DLG2: variants seen among roughly 807,000 people sequenced by gnomAD.
The protein encoded by DLG2 is discs large MAGUK scaffold protein 2, also known as disks large homolog 2.
In DLG2, 45 loss-of-function variants were observed where a neutral mutation model predicts 132.5. The ratio of observed to expected loss-of-function variants is 0.34; its 90% CI spans 0.27 to 0.44. The LOEUF (loss-of-function observed/expected upper bound fraction) is 0.44, where lower values mean the gene tolerates loss of function less well. DLG2 is among the 20% of genes least tolerant of loss of function. DLG2 has a pLI of 1.00. For synonymous variants in DLG2, 424 were observed against 419.6 expected, an observed-to-expected ratio of 1.01 and a Z score of -0.13; for missense variants, 1,045 against 1,196.9, an observed-to-expected ratio of 0.87 and a Z score of 1.87.
intron 15 of DLG2, among the ~76,000 whole-genome samples, chr11:83,916,308 G>A (rs999854105): frequency 3.4e-5 from 5 of 148,218 alleles, no homozygotes; most frequent in African/African-American, 5.0e-5. Context: ...TAAATTTAGG[G>A]TTTTTTTTTT....
chr11:85,564,144 T>G (rs1260519024), intron 3 of DLG2, among the ~76,000 whole-genome samples: 1 of 152,126 alleles, frequency 6.6e-6, no homozygotes, highest in Non-Finnish European at 1.5e-5. Context: ...GTTGTAAGAC[T>G]TCTTTATAAT....
Position 85,392,341 on chromosome 11 carries a change from T to A in DLG2, c.41-106976A>T, listed in dbSNP as rs1053387074. On this transcript the variant is annotated intron_variant, in intron 3 of 27. Transcript: ENST00000376104. The stretch of plus-strand genomic sequence containing the variant: ...TGCTTAAGGATGGGTAGAATCAATA[T>A]TGTGAAAATGACCATACTGCCAAAA... Among the ~76,000 whole-genome samples the A allele has an allele frequency of 1.8e-4, 28 of 151,966 alleles. 1 individual carries two copies. The highest frequency in any genetic ancestry group is 2.1e-4 in the South Asian group (1 of 4,826).
intron 18 of DLG2, among the ~76,000 whole-genome samples, chr11:83,739,300 G>T (rs1010533479): frequency 1.3e-5 from 2 of 152,078 alleles, no homozygotes; most frequent in South Asian, 2.1e-4. Flanking sequence ...TTAAAAAGAG[G>T]TGTTAATAAT....
intron 6 of DLG2, among the ~76,000 whole-genome samples, chr11:85,063,288 A>G (rs1176261276): frequency 6.6e-6 from 1 of 151,862 alleles, no homozygotes; most frequent in East Asian, 1.9e-4. Context: ...TTGCATACAA[A>G]TCTCAGAGTT....
intron 18 of DLG2, among the ~76,000 whole-genome samples, chr11:83,641,618 G>T (rs549250348): frequency 6.6e-6 from 1 of 152,108 alleles, no homozygotes; most frequent in African/African-American, 2.4e-5. Context: ...TTTGAGGAGC[G>T]TGGCTCCCCT....
intron 18 of DLG2, among the ~76,000 whole-genome samples, chr11:83,646,327 CCTCT>C (rs1201906849): frequency 6.6e-6 from 1 of 150,470 alleles, no homozygotes; most frequent in Non-Finnish European, 1.5e-5. Flanking sequence ...AAATTCTCTC[CCTCT>C]ATTTAATAGG....
At chr11:85,531,004 TAAATA>T (rs2075169281) in intron 3 of DLG2, among the ~76,000 whole-genome samples, 1 of 152,154 alleles carries the variant, frequency 6.6e-6, no homozygotes, top group African/African-American at 2.4e-5. Context: ...ATTTCCCTCG[TAAATA>T]AAATAAAATT....
In DLG2 at chr11:84,716,227, C is replaced by T. The variant is rs575705915; in HGVS notation, c.358-181496G>A. Among the ~76,000 whole-genome samples the T allele has an allele frequency of 1.9e-3, 295 of 152,104 alleles. 2 individuals are homozygous for T. Among genetic ancestry groups the T allele is most frequent in the African/African-American group, 7.0e-3 (290 of 41,538 alleles). ...ATGTCTCCTTTGAAGAAGTGTCTAT[C>T]CAGGTCCCTTGTGCATTTTTTTTAA... is the stretch of plus-strand genomic sequence containing the variant. On this transcript the variant is annotated intron_variant, in intron 6 of 27. Coordinates refer to ENST00000376104, the MANE Select transcript of DLG2 (RefSeq NM_001142699.3).
intron 18 of DLG2, among the ~76,000 whole-genome samples, chr11:83,742,140 T>G (rs2092566791): frequency 6.6e-6 from 1 of 151,962 alleles, no homozygotes; most frequent in Admixed American, 6.6e-5. Context: ...ACAAATGGGT[T>G]TCAAATTTTA....
At chr11:84,203,561 A>AAC (rs376394418) in intron 8 of DLG2, among the ~76,000 whole-genome samples, 198 of 135,334 alleles carry the variant, frequency 1.5e-3, no homozygotes, top group African/African-American at 5.2e-3. Flanking sequence ...CAGCCCGGGC[A>AAC]ACAGAGCGAG....
chr11:84,069,550 T>C (rs868177163), intron 10 of DLG2, among the ~76,000 whole-genome samples: 1 of 152,216 alleles, frequency 6.6e-6, no homozygotes, highest in African/African-American at 2.4e-5. Context: ...ATTTAAAAAA[T>C]AGGGCTTCTG....
intron 6 of DLG2, among the ~76,000 whole-genome samples, chr11:84,737,154 G>A (rs548873003): frequency 6.6e-6 from 1 of 151,790 alleles, no homozygotes; most frequent in East Asian, 1.9e-4. Flanking sequence ...TGATTAATAT[G>A]GTGATTTTTG....
intron 6 of DLG2, among the ~76,000 whole-genome samples, chr11:84,959,470 T>C (rs1335120118): frequency 2.6e-5 from 4 of 152,194 alleles, no homozygotes; most frequent in African/African-American, 9.7e-5. Flanking sequence ...TCTAGAGTAT[T>C]TACACTTGTT....
intron 16 of DLG2, among the ~76,000 whole-genome samples, chr11:83,871,936 G>A (rs1286586533): frequency 1.3e-5 from 2 of 151,798 alleles, no homozygotes; most frequent in Non-Finnish European, 2.9e-5. Flanking sequence ...ACTTATTGAC[G>A]GTCCAATATG....
intron 18 of DLG2, among the ~76,000 whole-genome samples, chr11:83,655,806 C>T (rs911060942): frequency 2.6e-5 from 4 of 152,176 alleles, no homozygotes; most frequent in African/African-American, 9.6e-5. Context: ...AATTCATATC[C>T]AAAAGGACCT....
At chr11:84,725,807 C>T (rs972927611) in intron 6 of DLG2, among the ~76,000 whole-genome samples, 1 of 151,288 alleles carries the variant, frequency 6.6e-6, no homozygotes, top group African/African-American at 2.4e-5. Flanking sequence ...GTATTAGCCA[C>T]TCAGTAAATT....
intron 19 of DLG2, among the ~76,000 whole-genome samples, chr11:83,551,599 T>C (rs1204971820): frequency 6.6e-6 from 1 of 152,094 alleles, no homozygotes; most frequent in East Asian, 1.9e-4. Context: ...ACTTTGCCTA[T>C]GATTTTTCAG....
chr11:85,280,874 G>T (rs747715795), intron 4 of DLG2, among the ~76,000 whole-genome samples: 3 of 151,318 alleles, frequency 2.0e-5, no homozygotes, highest in African/African-American at 7.3e-5. Flanking sequence ...TTTTAAAAAG[G>T]TCATTTATTT....
rs189914489 is a variant in DLG2, at chr11:83,940,060, G to C, written c.1341-9577C>G. Among the ~76,000 whole-genome samples, 264 of 152,308 alleles carry C rather than the reference G, an allele frequency of 1.7e-3. 2 individuals carry two copies. The highest frequency in any genetic ancestry group is 2.3e-3 in the East Asian group (12 of 5,184). On this transcript the variant is annotated intron_variant, in intron 14 of 27. Transcript: ENST00000376104. ...TCTTCTGTGCCTGTTACTGTAAACA[G>C]GTTATGAAGATTGTTTGGTGGCCAT...
Sources: gnomAD v4.1 joint callset for allele counts (sites outside exome capture counted in the v4.1 genomes callset) on GRCh38, gnomAD v4.1.1 for gene constraint, MANE v1.5 for transcripts, NCBI Gene and HGNC (gene_info 2026-07-23, HGNC 2026-07-21) for gene names.